Variants in PDE3A observed in about 807,000 individuals in gnomAD.
PDE3A encodes the protein cGMP-inhibited 3',5'-cyclic phosphodiesterase 3A.
In PDE3A, 43 loss-of-function variants were observed where a neutral mutation model predicts 98.3. The ratio of observed to expected loss-of-function variants is 0.44; its 90% CI spans 0.34 to 0.56. The LOEUF (loss-of-function observed/expected upper bound fraction) is 0.56. Among genes scored for constraint, PDE3A ranks in the 20% least tolerant of loss-of-function variants. The probability of loss-of-function intolerance (pLI) is 0.01; values close to 1 mark genes in which losing one functional copy is unlikely to be tolerated. For missense variants in PDE3A, 1,427 were observed against 1,440.7 expected, an observed-to-expected ratio of 0.99 and a Z score of 0.15; for synonymous variants, 663 against 567.9, an observed-to-expected ratio of 1.17 and a Z score of -2.38.
At chr12:20,492,920 C>A (rs1477614951) in intron 1 of PDE3A, among the ~76,000 whole-genome samples, 4 of 152,074 alleles carry the variant, frequency 2.6e-5, no homozygotes, top group Admixed American at 2.0e-4. Context: ...TAAAGACTTA[C>A]AAGCAAAAAG....
intron 1 of PDE3A, among the ~76,000 whole-genome samples, chr12:20,486,089 A>G (rs1171928329): frequency 6.6e-6 from 1 of 152,244 alleles, no homozygotes; most frequent in South Asian, 2.1e-4. Context: ...ACCTTTAAAA[A>G]TATATTGCCT....
intron 1 of PDE3A, among the ~76,000 whole-genome samples, chr12:20,494,072 T>C (rs1407868584): frequency 6.6e-6 from 1 of 152,368 alleles, no homozygotes; most frequent in African/African-American, 2.4e-5. Flanking sequence ...TTTGAACTTC[T>C]AACCTCTAAT....
chr12:20,375,832 G>A (rs1943561277), intron 1 of PDE3A, among the ~76,000 whole-genome samples: 2 of 151,820 alleles, frequency 1.3e-5, no homozygotes, highest in Admixed American at 1.3e-4. Flanking sequence ...ATAATAACTT[G>A]GAGCAGGTTT....
Position 20,680,189 on chromosome 12 carries a change from A to G in PDE3A, c.3344A>G (p.Gln1115Arg), listed in dbSNP as rs1166090553. 1 of 1,613,882 alleles carries G rather than the reference A, an allele frequency of 6.2e-7. No homozygotes were observed. Among genetic ancestry groups the G allele is most frequent in the Non-Finnish European group, 8.5e-7 (1 of 1,179,818 alleles). ...DQTPQSHSSE[Q>R]IQAIKEEEEE... ...ACCCCTCAGTCGCACTCTTCAGAAC[A>G]GATCCAGGCTATCAAGGAAGAAGAA... Residue 1115 changes from glutamine to arginine, a missense_variant, in exon 16 of 16, where the codon CAG becomes CGG. This residue lies in a region of PDE3A where 142 missense variants were observed against 133.9 expected (regional missense o/e 1.06). Coordinates refer to ENST00000359062, the MANE Select transcript of PDE3A (RefSeq NM_000921.5).
At chr12:20,595,220 T>C (rs1246224757) in intron 2 of PDE3A, among the ~76,000 whole-genome samples, 1 of 152,142 alleles carries the variant, frequency 6.6e-6, no homozygotes, top group South Asian at 2.1e-4. Context: ...CTCATCCTAA[T>C]GCCGATTCTA....
intron 1 of PDE3A, among the ~76,000 whole-genome samples, chr12:20,443,285 T>A (rs1944900047): frequency 6.6e-6 from 1 of 152,158 alleles, no homozygotes; most frequent in Admixed American, 6.5e-5. Context: ...TCTATGGATA[T>A]TGATAAACTG....
chr12:20,636,991 T>G, intron 8 of PDE3A, 109 bp from the exon 9 acceptor site: 1 of 676,354 alleles, frequency 1.5e-6, no homozygotes, highest in South Asian at 2.8e-5. Context: ...CTTGGAGTTT[T>G]AAGTCATTTA....
chr12:20,622,765 C>A (rs1180384221), intron 5 of PDE3A, among the ~76,000 whole-genome samples: 1 of 151,880 alleles, frequency 6.6e-6, no homozygotes, highest in Non-Finnish European at 1.5e-5. Context: ...TAAAGGGGTG[C>A]TAAAGTGATT....
At chr12:20,563,246 C>G (rs911079683) in intron 2 of PDE3A, among the ~76,000 whole-genome samples, 1 of 152,120 alleles carries the variant, frequency 6.6e-6, no homozygotes, top group Admixed American at 6.5e-5. Flanking sequence ...CAGGTCACTT[C>G]TTTTCTAGGT....
intron 1 of PDE3A, among the ~76,000 whole-genome samples, chr12:20,418,317 G>A (rs143117174): frequency 2.0e-5 from 3 of 152,082 alleles, no homozygotes; most frequent in Non-Finnish European, 4.4e-5. Context: ...CACATAATAG[G>A]TACTCAATAA....
At chr12:20,530,761 A>C (rs558194810) in intron 1 of PDE3A, among the ~76,000 whole-genome samples, 2 of 152,344 alleles carry the variant, frequency 1.3e-5, no homozygotes, top group South Asian at 4.1e-4. Flanking sequence ...CAATGGAACA[A>C]GGATCATTCA....
At chr12:20,560,077 A>G (rs1942475229) in intron 2 of PDE3A, among the ~76,000 whole-genome samples, 2 of 152,132 alleles carry the variant, frequency 1.3e-5, no homozygotes. Context: ...TTTAGATGAA[A>G]GATGATGACT....
chr12:20,530,469 A>G (rs886894745), intron 1 of PDE3A, among the ~76,000 whole-genome samples: 3 of 150,948 alleles, frequency 2.0e-5, no homozygotes, highest in Non-Finnish European at 4.4e-5. Flanking sequence ...CTGTGAATAT[A>G]TATTAATGAC....
At chr12:20,431,619 A>ACACG (rs1292737812) in intron 1 of PDE3A, among the ~76,000 whole-genome samples, 1 of 151,054 alleles carries the variant, frequency 6.6e-6, no homozygotes, top group African/African-American at 2.5e-5. Flanking sequence ...ACACACACAC[A>ACACG]CACGCACACA....
At chr12:20,489,918 C>G (rs556082583) in intron 1 of PDE3A, among the ~76,000 whole-genome samples, 1 of 152,244 alleles carries the variant, frequency 6.6e-6, no homozygotes, top group Admixed American at 6.5e-5. Context: ...GGATTTGGGG[C>G]CAGAGTATAT....
At chr12:20,679,458 A>G (rs1008125287) in intron 15 of PDE3A, among the ~76,000 whole-genome samples, 2 of 152,272 alleles carry the variant, frequency 1.3e-5, no homozygotes, top group East Asian at 1.9e-4. Context: ...CGTGTTAGCC[A>G]GGATGGTCTC....
chr12:20,370,401 TTTTTTTTG>T (rs1943449385), intron 1 of PDE3A, 157 bp downstream of exon 1: 2 of 423,002 alleles, frequency 4.7e-6, no homozygotes, highest in South Asian at 8.2e-5. Flanking sequence ...TTTTTTTTTG[TTTTTTTTG>T]TTTTTTTTTT....
chr12:20,595,933 T>G (rs1943455941), intron 2 of PDE3A, among the ~76,000 whole-genome samples: 1 of 152,202 alleles, frequency 6.6e-6, no homozygotes, highest in South Asian at 2.1e-4. Context: ...AAGACAAATT[T>G]AATATCAATG....
intron 4 of PDE3A, among the ~76,000 whole-genome samples, chr12:20,619,318 C>T (rs1418198254): frequency 6.6e-6 from 1 of 151,512 alleles, no homozygotes; most frequent in Admixed American, 6.6e-5. Flanking sequence ...AAAATGAACA[C>T]ATTTTAAATG....
Sources: allele counts gnomAD v4.1 joint callset (sites outside exome capture counted in the v4.1 genomes callset), GRCh38; gene constraint gnomAD v4.1.1; regional missense constraint gnomAD v4.1.1; transcripts MANE v1.5; gene names NCBI Gene and HGNC (gene_info 2026-07-23, HGNC 2026-07-21).